The following FRYL variants were observed in gnomAD, a reference collection of about 807,000 sequenced individuals.
FRYL encodes the protein protein furry homolog-like.
A neutral mutation model predicts 351.2 loss-of-function variants in FRYL; 150 were observed. The ratio of observed to expected loss-of-function variants is 0.43; its 90% confidence interval spans 0.37 to 0.49. The LOEUF is 0.49. FRYL is among the 20% of genes least tolerant of loss of function. The probability of loss-of-function intolerance (pLI) is 0.00; values close to 1 mark genes in which losing one functional copy is unlikely to be tolerated. For missense variants in FRYL, 3,036 were observed against 3,619.3 expected (o/e 0.84, Z 4.13); for synonymous variants, 1,153 against 1,257.1 (o/e 0.92, Z 1.75).
intron 26 of FRYL, among the ~76,000 whole-genome samples, chr4:48,572,277 T>C (rs1560631205): frequency 6.6e-6 from 1 of 152,196 alleles, no homozygotes; most frequent in Non-Finnish European, 1.5e-5. Context: ...CTAAAATTTT[T>C]AGCAAGCTCC....
In FRYL at chr4:48,573,206, CTTCT is replaced by C. The variant is rs1252860179; in HGVS notation, c.2880_2883del (p.Glu961HisfsTer9). On this transcript the variant is annotated frameshift_variant, in exon 26 of 64. Coordinates refer to ENST00000358350, the MANE Select transcript of FRYL (RefSeq NM_015030.2). LOFTEE classifies it high-confidence loss of function. ...CTCACCTCTGGCCTTCTTTCGAGTG[CTTCT>C]TTAATTATGGGATGTAATTCCTCTA... The C allele has an allele frequency of 6.2e-7, 1 of 1,612,608 alleles. No homozygotes were observed. Among genetic ancestry groups the C allele is most frequent in the Non-Finnish European group, 8.5e-7 (1 of 1,178,744 alleles).
intron 3 of FRYL, chr4:48,638,448 C>T (rs1019625610): frequency 5.3e-5 from 8 of 152,084 alleles, no homozygotes; most frequent in Non-Finnish European, 1.2e-4. Flanking sequence ...ATTAAAAAGT[C>T]AGGAAACAAC....
At chr4:48,766,489 T>C (rs1774963304) in intron 1 of FRYL, among the ~76,000 whole-genome samples, 1 of 152,148 alleles carries the variant, frequency 6.6e-6, no homozygotes, top group Admixed American at 6.5e-5. Flanking sequence ...AGGGATGTGA[T>C]GCAGGAGGGC....
In FRYL at chr4:48,570,869, C is replaced by T. The variant is rs557409232; in HGVS notation, c.2954G>A (p.Arg985Gln). The T allele has an allele frequency of 5.0e-6, 8 of 1,613,860 alleles. No individual in the cohort carries two copies. The highest frequency in any genetic ancestry group is 2.2e-5 in the East Asian group (1 of 44,876). ...AGCATCTGCCAGCAGTTCAAATATT[C>T]GTACCAGTTGTACTCGTAAAATGTC... ...RRDILRVQLVRIFELLADAGV... is the reference protein window; with the variant it reads ...RRDILRVQLVQIFELLADAGV... The change falls in exon 27 of 64, where the codon CGA (arginine) becomes CAA (glutamine). Residue 985 changes from arginine to glutamine, a missense_variant. Physicochemically the swap from Arg to Gln is conservative, Grantham distance 43. Coordinates refer to ENST00000358350, the MANE Select transcript of FRYL (RefSeq NM_015030.2).
chr4:48,700,484 C>G (rs1459899430), intron 2 of FRYL, among the ~76,000 whole-genome samples: 1 of 152,112 alleles, frequency 6.6e-6, no homozygotes, highest in Admixed American at 6.6e-5. Flanking sequence ...AATATTTTTG[C>G]TTTTATAGAT....
At chr4:48,743,779 T>G (rs1772376793) in intron 1 of FRYL, among the ~76,000 whole-genome samples, 1 of 152,242 alleles carries the variant, frequency 6.6e-6, no homozygotes, top group African/African-American at 2.4e-5. Flanking sequence ...AAGGCCCTGA[T>G]GGAGAAAGAC....
intron 44 of FRYL, among the ~76,000 whole-genome samples, chr4:48,542,625 A>T (rs4404518): frequency 6.6e-6 from 1 of 152,074 alleles, no homozygotes. Context: ...CATGTTGGCC[A>T]GGGTGGTCTC....
chr4:48,576,165 G>C lies in FRYL; in HGVS notation c.2586C>G (p.Gly862=). The C allele has an allele frequency of 6.8e-6, 11 of 1,613,634 alleles. No individual in the cohort carries two copies. The highest frequency in any genetic ancestry group is 9.3e-6 in the Non-Finnish European group (11 of 1,179,814). ...NTTTSSDSYI[G]LWRNYLILCC... ...AAAGGATCAGATAGTTTCTCCACAG[G>C]CCAATGTATGAGTCACTGCTTGTGG... The change falls in exon 24 of 64, where the codon GGC becomes GGG. Residue 862 remains glycine, a synonymous_variant. Coordinates refer to ENST00000358350, the MANE Select transcript of FRYL (RefSeq NM_015030.2).
intron 1 of FRYL, among the ~76,000 whole-genome samples, chr4:48,779,029 C>A (rs1776335896): frequency 6.7e-6 from 1 of 149,704 alleles, no homozygotes; most frequent in South Asian, 2.2e-4. Flanking sequence ...CTTTTCAAAT[C>A]TTGGCCTAGG....
intron 19 of FRYL, among the ~76,000 whole-genome samples, chr4:48,584,936 C>T (rs1318510060): frequency 6.6e-6 from 1 of 152,122 alleles, no homozygotes; most frequent in African/African-American, 2.4e-5. Context: ...TATTAGTAAA[C>T]AAATATCATA....
intron 3 of FRYL, among the ~76,000 whole-genome samples, chr4:48,639,483 TG>T (rs200872210): frequency 0.079 from 669 of 8,486 alleles, 4 homozygotes; most frequent in African/African-American, 0.13. Context: ...GAAATCCACA[TG>T]TTAAAAAAAA....
intron 1 of FRYL, among the ~76,000 whole-genome samples, chr4:48,736,678 C>T (rs1250059977): frequency 1.3e-5 from 2 of 150,796 alleles, no homozygotes; most frequent in African/African-American, 2.4e-5. Flanking sequence ...GGTGAAACCC[C>T]GTTTCTACTA....
At chr4:48,509,657 C>G (rs1722060361) in intron 59 of FRYL, among the ~76,000 whole-genome samples, 1 of 152,198 alleles carries the variant, frequency 6.6e-6, no homozygotes, top group Non-Finnish European at 1.5e-5. Context: ...TAATTCACTA[C>G]ATGCTTTTTT....
intron 40 of FRYL, 113 bp from the exon 41 acceptor site, chr4:48,547,882 T>C (rs1173530574): frequency 7.4e-6 from 5 of 680,080 alleles, no homozygotes; most frequent in Non-Finnish European, 1.1e-5. Context: ...TCATGGAAGG[T>C]GACATATTAT....
chr4:48,733,628 T>A (rs1770977750), intron 1 of FRYL, among the ~76,000 whole-genome samples: 1 of 152,134 alleles, frequency 6.6e-6, no homozygotes, highest in Non-Finnish European at 1.5e-5. Flanking sequence ...TGTATTAAAT[T>A]ATATATGCAT....
chr4:48,715,117 G>A (rs1420101855), intron 1 of FRYL, among the ~76,000 whole-genome samples: 6 of 151,986 alleles, frequency 3.9e-5, no homozygotes, highest in African/African-American at 4.8e-5. Flanking sequence ...TTGATGGGAC[G>A]TATCTCAAAA....
intron 40 of FRYL, among the ~76,000 whole-genome samples, chr4:48,548,374 T>A (rs1003788561): frequency 3.3e-5 from 5 of 152,154 alleles, no homozygotes; most frequent in Admixed American, 3.3e-4. Flanking sequence ...AAGTTTCCAA[T>A]CCCAGAGTTA....
At chr4:48,683,667 A>ATT (rs1764890168) in intron 3 of FRYL, among the ~76,000 whole-genome samples, 1 of 152,188 alleles carries the variant, frequency 6.6e-6, no homozygotes, top group Non-Finnish European at 1.5e-5. Context: ...AAAAGACATA[A>ATT]ATTTGTTGCC....
intron 55 of FRYL, among the ~76,000 whole-genome samples, chr4:48,518,770 TGCTACC>T (rs1224354859): frequency 8.5e-5 from 13 of 152,362 alleles, no homozygotes; most frequent in African/African-American, 2.6e-4. Flanking sequence ...TCACCTTAAA[TGCTACC>T]CCTAACTTTC....
Sources: gnomAD v4.1 joint callset for allele counts (sites outside exome capture counted in the v4.1 genomes callset) on GRCh38, gnomAD v4.1.1 for gene constraint, MANE v1.5 for transcripts, NCBI Gene and HGNC (gene_info 2026-07-23, HGNC 2026-07-21) for gene names.